CD8B: variants seen among roughly 807,000 people sequenced by gnomAD.
The protein encoded by CD8B is T-cell surface glycoprotein CD8 beta chain.
A neutral mutation model predicts 24.2 loss-of-function variants in CD8B; 6 were observed. The observed-to-expected ratio is 0.25, with a 90% confidence interval of 0.14 to 0.49. The LOEUF (loss-of-function observed/expected upper bound fraction) is 0.49. Ranked by LOEUF, CD8B falls within the 20% of genes least tolerant of loss-of-function variation. The probability of loss-of-function intolerance (pLI) is 0.98; values close to 1 mark genes in which losing one functional copy is unlikely to be tolerated. For synonymous variants in CD8B, 84 were observed against 108.3 expected, an observed-to-expected ratio of 0.78 and a Z score of 1.39; for missense variants, 196 against 271.3, an observed-to-expected ratio of 0.72 and a Z score of 1.95.
rs569169412 is a variant in CD8B at position 86,854,236 on chromosome 2, G to C, written c.404-1150C>G. Among the ~76,000 whole-genome samples, 5 of 152,112 alleles carry C rather than the reference G, an allele frequency of 3.3e-5. No homozygotes were observed. The South Asian group carries it at 1.0e-3, about 32-fold the overall frequency. On this transcript the variant is annotated intron_variant, in intron 2 of 5. Coordinates refer to ENST00000390655, the MANE Select transcript of CD8B (RefSeq NM_004931.5). ...CCTGGCTGAAGACCTTGAGCCCCAG[G>C]GCTGGATCGCCCAGCCTTTGGCACA...
At chr2:86,817,532 T>C (rs1204615149) in intron 5 of CD8B, among the ~76,000 whole-genome samples, 1 of 152,238 alleles carries the variant, frequency 6.6e-6, no homozygotes, top group Non-Finnish European at 1.5e-5. Flanking sequence ...AAAGTGCATG[T>C]ACACTCTGAC....
chr2:86,837,752 G>A (rs1362641668), downstream of CD8B, among the ~76,000 whole-genome samples: 5 of 145,942 alleles, frequency 3.4e-5, no homozygotes, highest in Non-Finnish European at 7.5e-5. Context: ...AACAGGCCGG[G>A]GTGGGCTCCA....
At chr2:86,844,857 G>T (rs1192489580) in intron 5 of CD8B, 65 bp downstream of exon 5, 10 of 1,553,634 alleles carry the variant, frequency 6.4e-6, no homozygotes, top group Non-Finnish European at 7.0e-6. Context: ...CCTCGCTGCA[G>T]TTAGAGGCTG....
At position 86,826,193 on chromosome 2, in the gene CD8B, C is replaced by T. The variant is rs532494542; in HGVS notation, c.621-10475G>A. Among the ~76,000 whole-genome samples, 5 of 152,108 alleles carry T rather than the reference C, an allele frequency of 3.3e-5. No individual in the cohort carries two copies. In the East Asian group the frequency reaches 7.7e-4, roughly 24 times the overall value. On this transcript the variant is annotated intron_variant, in intron 5 of 5. Transcript: ENST00000331469. Reference sequence around the variant, plus strand: ...CTGTATTGTCTTCCTAGCTCTGCCCCGGTTGTCAGAGGAGTCCATCTGGGC... The same window carrying T: ...CTGTATTGTCTTCCTAGCTCTGCCCTGGTTGTCAGAGGAGTCCATCTGGGC...
intron 3 of CD8B, among the ~76,000 whole-genome samples, chr2:86,848,753 G>A (rs1428951154): frequency 1.6e-5 from 2 of 128,750 alleles, no homozygotes; most frequent in East Asian, 2.3e-4. Context: ...TTTTGCTGTT[G>A]TTGCCCAGGC....
downstream of CD8B, among the ~76,000 whole-genome samples, chr2:86,837,744 C>G (rs1472073703): frequency 7.7e-6 from 1 of 129,938 alleles, no homozygotes; most frequent in Admixed American, 9.7e-5. Flanking sequence ...TTCTTTTGAA[C>G]AGGCCGGGGT....
At chr2:86,819,879 G>A (rs1674393235) in intron 5 of CD8B, among the ~76,000 whole-genome samples, 1 of 152,220 alleles carries the variant, frequency 6.6e-6, no homozygotes, top group African/African-American at 2.4e-5. Flanking sequence ...GAACATTTGT[G>A]ATTCATGGGA....
intron 5 of CD8B, among the ~76,000 whole-genome samples, chr2:86,820,588 G>T (rs1674426351): frequency 6.6e-6 from 1 of 152,026 alleles, no homozygotes; most frequent in African/African-American, 2.4e-5. Context: ...ACCTTATAGG[G>T]TAAACATAAC....
intron 5 of CD8B, among the ~76,000 whole-genome samples, chr2:86,818,146 T>C (rs1218538807): frequency 6.6e-6 from 1 of 151,930 alleles, no homozygotes; most frequent in African/African-American, 2.4e-5. Flanking sequence ...GAGATGGAGG[T>C]TGCTGTGAGC....
downstream of CD8B, among the ~76,000 whole-genome samples, chr2:86,835,109 C>T (rs1467855070): frequency 1.3e-5 from 2 of 152,200 alleles, no homozygotes; most frequent in Admixed American, 6.5e-5. Flanking sequence ...GTGGGGCTGG[C>T]GGACTTTCTG....
intron 5 of CD8B, among the ~76,000 whole-genome samples, chr2:86,823,718 G>C (rs924309255): frequency 1.3e-5 from 2 of 152,180 alleles, no homozygotes; most frequent in African/African-American, 4.8e-5. Flanking sequence ...TTCGAGGCAG[G>C]GTTTAAGAAA....
At chr2:86,834,674 C>A (rs1321124994), downstream of CD8B, among the ~76,000 whole-genome samples, 2 of 152,200 alleles carry the variant, frequency 1.3e-5, no homozygotes, top group South Asian at 2.1e-4. Context: ...CAGTGGCTCA[C>A]GCCTGAAATC....
downstream of CD8B, among the ~76,000 whole-genome samples, chr2:86,834,996 C>T (rs1391938468): frequency 6.6e-6 from 1 of 151,790 alleles, no homozygotes; most frequent in Non-Finnish European, 1.5e-5. Flanking sequence ...CACCAAATCG[C>T]CTGCCACACA....
chr2:86,822,515 G>T, intron 5 of CD8B: 1 of 552,610 alleles, frequency 1.8e-6, no homozygotes, highest in Non-Finnish European at 3.2e-6. Context: ...TTAGAATTAT[G>T]AAACCTATGG....
intron 5 of CD8B, among the ~76,000 whole-genome samples, chr2:86,830,911 T>C (rs1482163026): frequency 2.0e-5 from 3 of 151,716 alleles, no homozygotes; most frequent in Admixed American, 2.0e-4. Context: ...GATTTTGTTA[T>C]TAATTAAATT....
chr2:86,818,408 G>A (rs758292010), intron 5 of CD8B, among the ~76,000 whole-genome samples: 195 of 152,254 alleles, frequency 1.3e-3, no homozygotes, highest in Non-Finnish European at 1.7e-3. Flanking sequence ...AACCCTGCCT[G>A]GAGCAAATCT....
At position 86,838,543 on chromosome 2, in the gene CD8B, G is replaced by A. The variant is rs1675270992; in HGVS notation, c.*3764C>T. On this transcript the variant is annotated 3_prime_UTR_variant, in exon 6 of 6. Coordinates refer to ENST00000390655, the MANE Select transcript of CD8B (RefSeq NM_004931.5). ...AGACAAGGTCTGTCTGTGTTGCCCA[G>A]GCTGGAGTGCAGTGGCGTGATCACA... 6.6e-6 allele frequency among the ~76,000 whole-genome samples: 1 copy of A among 152,140 alleles called. No individual in the cohort carries two copies. The highest frequency in any genetic ancestry group is 1.5e-5 in the Non-Finnish European group (1 of 68,028).
At chr2:86,850,576 C>G (rs535295866) in intron 3 of CD8B, among the ~76,000 whole-genome samples, 1 of 152,196 alleles carries the variant, frequency 6.6e-6, no homozygotes, top group South Asian at 2.1e-4. Context: ...ATAGTACAGG[C>G]AGTGGTAGAC....
intron 3 of CD8B, among the ~76,000 whole-genome samples, chr2:86,848,723 T>TATTTATTTATTTATTTATTG (rs1675818779): frequency 9.6e-6 from 1 of 103,800 alleles, no homozygotes; most frequent in Non-Finnish European, 1.9e-5. Flanking sequence ...TTTATTTATT[T>TATTTATTTATTTATTTATTG]ATTTATTTTT....
Sources: allele counts gnomAD v4.1 joint callset (sites outside exome capture counted in the v4.1 genomes callset), GRCh38; gene constraint gnomAD v4.1.1; transcripts MANE v1.5; gene names NCBI Gene and HGNC (gene_info 2026-07-23, HGNC 2026-07-21).